The following KCNK13 variants were observed in gnomAD, a reference collection of about 807,000 sequenced individuals.
KCNK13 encodes potassium two pore domain channel subfamily K member 13.
A neutral mutation model predicts 23.4 loss-of-function variants in KCNK13; 12 were observed. That is an observed-to-expected ratio of 0.51 (90% CI 0.33 to 0.83). The LOEUF (loss-of-function observed/expected upper bound fraction) is 0.83, where lower values mean the gene tolerates loss of function less well. Ranked by LOEUF, KCNK13 falls within the 40% of genes least tolerant of loss-of-function variation. The pLI is 0.02. For synonymous variants in KCNK13, 231 were observed against 229.5 expected (o/e 1.01, Z -0.06); for missense variants, 463 against 556.3 (o/e 0.83, Z 1.69).
At chr14:90,124,226 T>G (rs1889770538) in intron 1 of KCNK13, among the ~76,000 whole-genome samples, 1 of 152,252 alleles carries the variant, frequency 6.6e-6, no homozygotes, top group African/African-American at 2.4e-5. Flanking sequence ...CTTTCATTCA[T>G]TAAAGTCATT....
intron 1 of KCNK13, among the ~76,000 whole-genome samples, chr14:90,067,576 T>C (rs1889023926): frequency 1.3e-5 from 2 of 152,196 alleles, no homozygotes; most frequent in South Asian, 2.1e-4. Flanking sequence ...TGCTATTGAA[T>C]TGTACACTTT....
chr14:90,152,987 C>T (rs1218490388), intron 1 of KCNK13, among the ~76,000 whole-genome samples: 1 of 152,164 alleles, frequency 6.6e-6, no homozygotes, highest in African/African-American at 2.4e-5. Flanking sequence ...TGACACTCAA[C>T]TCTGCCCATC....
intron 1 of KCNK13, among the ~76,000 whole-genome samples, chr14:90,175,656 A>G (rs1387143933): frequency 6.6e-6 from 1 of 152,206 alleles, no homozygotes; most frequent in Non-Finnish European, 1.5e-5. Flanking sequence ...AAAGTCCCAG[A>G]CAGAAGATAT....
intron 1 of KCNK13, among the ~76,000 whole-genome samples, chr14:90,102,110 C>T (rs751713548): frequency 4.6e-5 from 7 of 152,100 alleles, no homozygotes; most frequent in African/African-American, 1.7e-4. Context: ...CTCGAGCTCC[C>T]GACCTCAGGT....
chr14:90,112,724 G>C (rs1335013463), intron 1 of KCNK13, among the ~76,000 whole-genome samples: 1 of 151,854 alleles, frequency 6.6e-6, no homozygotes, highest in East Asian at 1.9e-4. Context: ...TCAATAGAAG[G>C]ATCACATCTT....
chr14:90,151,614 C>T (rs1435581484), intron 1 of KCNK13, among the ~76,000 whole-genome samples: 1 of 152,124 alleles, frequency 6.6e-6, no homozygotes, highest in African/African-American at 2.4e-5. Flanking sequence ...CTTTGCTGTG[C>T]AAAAACTTTT....
intron 1 of KCNK13, among the ~76,000 whole-genome samples, chr14:90,068,147 C>A (rs1273953829): frequency 6.6e-6 from 1 of 152,112 alleles, no homozygotes; most frequent in East Asian, 1.9e-4. Flanking sequence ...TAAATGGCCA[C>A]CACCACCTGC....
intron 1 of KCNK13, among the ~76,000 whole-genome samples, chr14:90,088,328 T>TA (rs200941842): frequency 7.4e-6 from 1 of 135,060 alleles, no homozygotes; most frequent in African/African-American, 2.7e-5. Context: ...ACAACAAGCT[T>TA]AAAAAGAAAG....
At chr14:90,155,936 G>A (rs1890188644) in intron 1 of KCNK13, among the ~76,000 whole-genome samples, 1 of 152,064 alleles carries the variant, frequency 6.6e-6, no homozygotes, top group Non-Finnish European at 1.5e-5. Context: ...AGGTGTGGTG[G>A]CTCACACCTG....
Position 90,062,174 on chromosome 14 carries a change from T to C in KCNK13, c.-32T>C. The C allele has an allele frequency of 7.7e-7, 1 of 1,306,266 alleles. No homozygotes were observed. The highest frequency in any genetic ancestry group is 9.8e-7 in the Non-Finnish European group (1 of 1,017,910). 80.9% of individuals were successfully genotyped at this position (1,306,266 alleles called of 1,614,324 possible). ...GAGACTCCGCCGACGCCCGGTGCCG[T>C]GGGCCTGGGGGCTGCCCCCGGGGGC... On this transcript the variant is annotated 5_prime_UTR_variant, in exon 1 of 2. Transcript: ENST00000282146. The surrounding 1 kb of genome is among the most constrained non-coding windows in gnomAD (Gnocchi z 4.5).
chr14:90,153,232 A>G (rs778741466), intron 1 of KCNK13, among the ~76,000 whole-genome samples: 37 of 151,818 alleles, frequency 2.4e-4, no homozygotes, highest in Non-Finnish European at 2.6e-4. Flanking sequence ...CTCCCACTGT[A>G]CTCCCTAAAG....
At chr14:90,147,525 C>T (rs1023251865) in intron 1 of KCNK13, among the ~76,000 whole-genome samples, 3 of 152,078 alleles carry the variant, frequency 2.0e-5, no homozygotes, top group African/African-American at 4.8e-5. Flanking sequence ...TTATGGCAGA[C>T]ATCTTTTCTT....
chr14:90,134,829 A>T (rs1889916719), intron 1 of KCNK13, among the ~76,000 whole-genome samples: 2 of 152,242 alleles, frequency 1.3e-5, no homozygotes, highest in South Asian at 4.1e-4. Flanking sequence ...TATGGTGAAT[A>T]ATAAATATGA....
intron 1 of KCNK13, among the ~76,000 whole-genome samples, chr14:90,104,874 C>G (rs1386478392): frequency 1.3e-5 from 2 of 149,648 alleles, no homozygotes; most frequent in African/African-American, 4.9e-5. Context: ...ACTGCAACCT[C>G]TACCTCCCAG....
intron 1 of KCNK13, among the ~76,000 whole-genome samples, chr14:90,070,800 G>A (rs1429753872): frequency 6.6e-6 from 1 of 152,194 alleles, no homozygotes; most frequent in Non-Finnish European, 1.5e-5. Context: ...TTATAGCTGA[G>A]GAGCAATGTG....
rs147541930 is a variant in KCNK13, at chr14:90,184,313, G to A, written c.537G>A (p.Ala179=). The A allele has an allele frequency of 1.4e-3, 2,221 of 1,614,250 alleles. 55 individuals are homozygous for A. The South Asian group carries it at 0.022, about 16-fold the overall frequency. ...GALPQESLKD[A]GQCEVDSLAG... is the part of the protein sequence containing the mutation. ...TGCCCCAGGAGAGCCTGAAGGATGCGGGGCAGTGTGAGGTGGACAGCCTGG... is the reference window on the plus strand; with the variant it reads ...TGCCCCAGGAGAGCCTGAAGGATGCAGGGCAGTGTGAGGTGGACAGCCTGG... The change falls in exon 2 of 2, where the codon GCG becomes GCA. Residue 179 remains alanine (A), a synonymous_variant. Transcript: ENST00000282146. The surrounding 1 kb of genome is among the most constrained non-coding windows in gnomAD (Gnocchi z 5.6).
intron 1 of KCNK13, among the ~76,000 whole-genome samples, chr14:90,093,787 T>C (rs1173752581): frequency 6.6e-6 from 1 of 152,216 alleles, no homozygotes; most frequent in Non-Finnish European, 1.5e-5. Context: ...TCCTTGTTCA[T>C]GGGTGGAGAT....
chr14:90,155,081 G>T (rs1270812789), intron 1 of KCNK13, among the ~76,000 whole-genome samples: 1 of 152,198 alleles, frequency 6.6e-6, no homozygotes, highest in African/African-American at 2.4e-5. Flanking sequence ...TCATACTGGT[G>T]ATATGTGCTG....
chr14:90,150,735 G>A (rs1358473255), intron 1 of KCNK13, among the ~76,000 whole-genome samples: 2 of 152,192 alleles, frequency 1.3e-5, no homozygotes, highest in Admixed American at 6.5e-5. Flanking sequence ...CCCAGTGTTG[G>A]AGGTGGGGCC....
Sources: allele counts gnomAD v4.1 joint callset (sites outside exome capture counted in the v4.1 genomes callset), GRCh38; gene constraint gnomAD v4.1.1; non-coding constraint Gnocchi (gnomAD v3.1); transcripts MANE v1.5; gene names NCBI Gene and HGNC (gene_info 2026-07-23, HGNC 2026-07-21).